Variants in VAV3 observed in about 807,000 individuals in gnomAD.
VAV3 encodes vav guanine nucleotide exchange factor 3.
VAV3 carries 94 observed loss-of-function variants against 131.2 expected under a neutral mutation model. The ratio of observed to expected loss-of-function variants is 0.72; its 90% CI spans 0.61 to 0.85. VAV3 has a LOEUF of 0.85. VAV3 is among the 40% of genes least tolerant of loss of function. VAV3 has a pLI of 0.00. For missense variants in VAV3, 939 were observed against 1,002.7 expected, an observed-to-expected ratio of 0.94 and a Z score of 0.86; for synonymous variants, 349 against 342.0, an observed-to-expected ratio of 1.02 and a Z score of -0.22.
intron 1 of VAV3, among the ~76,000 whole-genome samples, chr1:107,880,588 G>A (rs1408570432): frequency 6.6e-6 from 1 of 152,136 alleles, no homozygotes; most frequent in Non-Finnish European, 1.5e-5. Context: ...CTGAGGTCAG[G>A]AGCTCGAGAC....
intron 19 of VAV3, among the ~76,000 whole-genome samples, chr1:107,644,290 A>G (rs968785638): frequency 6.6e-6 from 1 of 152,296 alleles, no homozygotes; most frequent in East Asian, 1.9e-4. Flanking sequence ...CAGGTGGAAG[A>G]GGATGTAATA....
rs1649344708 is a variant in VAV3, at chr1:107,572,684, C to T, written c.*647G>A. On this transcript the variant is annotated 3_prime_UTR_variant, in exon 27 of 27. Coordinates refer to ENST00000370056, the MANE Select transcript of VAV3 (RefSeq NM_006113.5). Reference sequence around the variant, plus strand: ...AAGTTTGCAAATATAATCAGGACACCAAATAAGTAATTAAAACCCTTCAGG... The same window carrying T: ...AAGTTTGCAAATATAATCAGGACACTAAATAAGTAATTAAAACCCTTCAGG... 1 of 152,498 alleles carries T rather than the reference C, an allele frequency of 6.6e-6. No individual in the cohort carries two copies. Among genetic ancestry groups the T allele is most frequent in the African/African-American group, 2.4e-5 (1 of 41,404 alleles). The allele number at this position is 152,498 out of a possible 1,614,324, so 9.4% of individuals were successfully genotyped here.
intron 2 of VAV3, among the ~76,000 whole-genome samples, chr1:107,824,091 T>A (rs981123219): frequency 6.6e-6 from 1 of 152,134 alleles, no homozygotes; most frequent in African/African-American, 2.4e-5. Flanking sequence ...GTGAACTGAG[T>A]AGAAAACTGG....
chr1:107,724,133 T>A (rs1015991473), intron 15 of VAV3, among the ~76,000 whole-genome samples: 1 of 152,116 alleles, frequency 6.6e-6, no homozygotes, highest in African/African-American at 2.4e-5. Flanking sequence ...AGGAAAATGG[T>A]ATCTCCAATC....
intron 20 of VAV3, among the ~76,000 whole-genome samples, chr1:107,624,148 A>G (rs1057492282): frequency 5.9e-5 from 9 of 152,012 alleles, no homozygotes; most frequent in Non-Finnish European, 1.3e-4. Context: ...GTATACTGAG[A>G]AAAAAAACCC....
intron 2 of VAV3, among the ~76,000 whole-genome samples, chr1:107,856,166 A>C (rs1181280732): frequency 1.3e-5 from 2 of 152,232 alleles, no homozygotes; most frequent in Admixed American, 6.5e-5. Flanking sequence ...ACTACTCAAA[A>C]GCCGACATGA....
chr1:107,859,060 A>C (rs1278535430), intron 2 of VAV3, among the ~76,000 whole-genome samples: 1 of 150,540 alleles, frequency 6.6e-6, no homozygotes, highest in Non-Finnish European at 1.5e-5. Flanking sequence ...AAACTCTGAA[A>C]GATTCTTGAG....
At chr1:107,933,471 G>C (rs1179092276) in intron 1 of VAV3, among the ~76,000 whole-genome samples, 1 of 151,798 alleles carries the variant, frequency 6.6e-6, no homozygotes, top group East Asian at 1.9e-4. Flanking sequence ...CAATTAGAAG[G>C]AGAAAAAAAG....
chr1:107,921,748 G>A (rs1369821901), intron 1 of VAV3, among the ~76,000 whole-genome samples: 1 of 152,114 alleles, frequency 6.6e-6, no homozygotes, highest in African/African-American at 2.4e-5. Flanking sequence ...CCAATCTTTA[G>A]TTCTAAAGTG....
intron 1 of VAV3, among the ~76,000 whole-genome samples, chr1:107,898,146 G>A (rs1189648614): frequency 1.3e-5 from 2 of 151,532 alleles, no homozygotes; most frequent in African/African-American, 2.4e-5. Context: ...CCTGTTCTAT[G>A]ACCTCATTTT....
chr1:107,914,282 C>T (rs556898501), intron 1 of VAV3, among the ~76,000 whole-genome samples: 15 of 152,290 alleles, frequency 9.8e-5, no homozygotes, highest in Admixed American at 2.0e-4. Context: ...GGGCAGCTGA[C>T]GCAAGAACCT....
chr1:107,915,530 C>T (rs903907251), intron 1 of VAV3, among the ~76,000 whole-genome samples: 5 of 152,044 alleles, frequency 3.3e-5, no homozygotes, highest in African/African-American at 7.3e-5. Context: ...ATCTGTTCCT[C>T]GATGTCCTCA....
intron 1 of VAV3, among the ~76,000 whole-genome samples, chr1:107,876,754 T>A (rs10881486): frequency 0.65 from 99,341 of 151,852 alleles, 33,019 homozygotes; most frequent in Non-Finnish European, 0.72. Context: ...CATATTTTTT[T>A]AAAAATATAC....
At chr1:107,649,048 A>G (rs953323491) in intron 19 of VAV3, among the ~76,000 whole-genome samples, 3 of 152,024 alleles carry the variant, frequency 2.0e-5, no homozygotes, top group Non-Finnish European at 4.4e-5. Context: ...ACAGCCTCAA[A>G]AGCCCTCAAA....
chr1:107,667,879 C>A (rs1451046725), intron 19 of VAV3, among the ~76,000 whole-genome samples: 1 of 152,128 alleles, frequency 6.6e-6, no homozygotes, highest in African/African-American at 2.4e-5. Flanking sequence ...TCCTTCCTTG[C>A]TTGGAATCGT....
chr1:107,800,495 G>C (rs1397839531), intron 2 of VAV3, among the ~76,000 whole-genome samples: 2 of 152,112 alleles, frequency 1.3e-5, no homozygotes, highest in Non-Finnish European at 2.9e-5. Context: ...TATGTCTTCT[G>C]AGAAATTTTT....
At chr1:107,683,596 G>A (rs200261032) in intron 18 of VAV3, 63 bp from the exon 19 acceptor site, 2 of 1,518,300 alleles carry the variant, frequency 1.3e-6, no homozygotes, top group Non-Finnish European at 1.8e-6. Flanking sequence ...CTATTAAATT[G>A]TATTACTACT....
At chr1:107,845,777 A>G (rs902508837) in intron 2 of VAV3, among the ~76,000 whole-genome samples, 3 of 152,048 alleles carry the variant, frequency 2.0e-5, no homozygotes, top group Non-Finnish European at 1.5e-5. Flanking sequence ...ACAAACAAAG[A>G]CTCCAACAAA....
intron 2 of VAV3, among the ~76,000 whole-genome samples, chr1:107,813,392 AT>A (rs1213974969): frequency 6.6e-6 from 1 of 152,186 alleles, no homozygotes; most frequent in Non-Finnish European, 1.5e-5. Flanking sequence ...AGGGATCCAA[AT>A]TGGCATACTG....
Sources: allele counts gnomAD v4.1 joint callset (sites outside exome capture counted in the v4.1 genomes callset), GRCh38; gene constraint gnomAD v4.1.1; transcripts MANE v1.5; gene names NCBI Gene and HGNC (gene_info 2026-07-23, HGNC 2026-07-21).